The following RNF130 variants were observed in gnomAD, a reference collection of about 807,000 sequenced individuals.
RNF130 encodes the protein E3 ubiquitin-protein ligase RNF130.
RNF130 carries 21 observed loss-of-function variants against 44.6 expected under a neutral mutation model. The observed-to-expected ratio is 0.47, with a 90% CI of 0.33 to 0.68. The LOEUF is 0.68. Among genes scored for constraint, RNF130 ranks in the 30% least tolerant of loss-of-function variants. The pLI, the probability that RNF130 is intolerant of heterozygous loss-of-function variation, is 0.02. For synonymous variants in RNF130, 214 were observed against 210.4 expected (o/e 1.02, Z -0.15); for missense variants, 479 against 560.6 (o/e 0.85, Z 1.47).
intron 3 of RNF130, among the ~76,000 whole-genome samples, chr5:180,003,723 A>G (rs1763399279): frequency 6.6e-6 from 1 of 152,182 alleles, no homozygotes; most frequent in Non-Finnish European, 1.5e-5. Flanking sequence ...GTCTATTTGC[A>G]TCCGGCTAAC....
At chr5:180,013,023 G>C (rs1763627593) in intron 3 of RNF130, 38 bp downstream of exon 3, 1 of 1,581,650 alleles carries the variant, frequency 6.3e-7, no homozygotes, top group Non-Finnish European at 8.6e-7. Flanking sequence ...GTGAACTCTG[G>C]CTGTTACGAA....
rs1763264943 is a variant in RNF130, at chr5:179,998,860, TA to T, written c.693+14200del. Among the ~76,000 whole-genome samples the T allele has an allele frequency of 2.4e-3, 155 of 63,738 alleles. 7 individuals carry two copies. Among genetic ancestry groups the T allele is most frequent in the African/African-American group, 7.9e-3 (125 of 15,790 alleles). 41.8% of individuals were successfully genotyped at this position (63,738 alleles called of 152,430 possible). A position where few individuals can be genotyped will look rare whatever the true frequency, so the allele number is the denominator to read the frequency against. On this transcript the variant is annotated intron_variant, in intron 3 of 8. Transcript: ENST00000521389. ...CTCTCTCTTTAGATCTAGTATTTTTTATATATATATATATATATATATATGT... is the reference window on the plus strand; with the variant it reads ...CTCTCTCTTTAGATCTAGTATTTTTTTATATATATATATATATATATATGT...
chr5:179,978,160 C>T (rs756619633), intron 5 of RNF130, 43 bp downstream of exon 5: 3 of 1,507,828 alleles, frequency 2.0e-6, no homozygotes, highest in Non-Finnish European at 2.8e-6. Flanking sequence ...GCATACAAAG[C>T]ACATTAATAT....
exon 8 of RNF130, chr5:179,912,420 G>A (rs1024205366): frequency 2.6e-5 from 4 of 152,236 alleles, no homozygotes; most frequent in African/African-American, 7.2e-5. Context: ...TTTAGACAGA[G>A]TTATTGCCTC....
rs775854570 is a variant in RNF130, at chr5:180,071,672, G to C, written c.31C>G (p.Arg11Gly). The change falls in exon 1 of 9, where the codon CGG (arginine) becomes GGG (glycine). Residue 11 changes from arginine (R) to glycine (G), a missense_variant. Arg to Gly is a moderately radical substitution (Grantham distance 125). Around this residue, in one of 3 missense-constraint regions of RNF130, gnomAD observed 138 missense variants for 126.9 expected, o/e 1.09. Transcript: ENST00000521389. Reference sequence around the variant, plus strand: ...GTCAGCAGGGCGAGCGCGGCGAGCCGGGCAGGGCCCGCCCGCCCCGCGCAG... The same window carrying C: ...GTCAGCAGGGCGAGCGCGGCGAGCCCGGCAGGGCCCGCCCGCCCCGCGCAG... MSCAGRAGPA[R>G]LAALALLTCS... is the part of the protein sequence containing the mutation. 38 of 1,420,206 alleles carry C rather than the reference G, an allele frequency of 2.7e-5. 1 individual carries two copies. In the South Asian group the frequency reaches 5.1e-4, roughly 19 times the overall value. 88.0% of individuals were successfully genotyped at this position (1,420,206 alleles called of 1,614,324 possible).
In RNF130 at chr5:179,962,119, C is replaced by T. The variant is rs182230249; in HGVS notation, c.1244+1352G>A. Among the ~76,000 whole-genome samples the T allele has an allele frequency of 9.8e-5, 15 of 152,308 alleles. No homozygotes were observed. In the East Asian group the frequency reaches 2.1e-3, roughly 22 times the overall value. ...GACCTAGAGTCTAAGGAATTAGGTGCGCCATGCTGAAGGAAAACTGCCTGG... is the reference window on the plus strand; with the variant it reads ...GACCTAGAGTCTAAGGAATTAGGTGTGCCATGCTGAAGGAAAACTGCCTGG... On this transcript the variant is annotated intron_variant, in intron 8 of 8. Transcript: ENST00000521389.
chr5:179,930,508 C>T (rs1001312039), intron 7 of RNF130, among the ~76,000 whole-genome samples: 1 of 152,150 alleles, frequency 6.6e-6, no homozygotes, highest in Admixed American at 6.5e-5. Flanking sequence ...TTTCATTCTT[C>T]CTTTCTAATC....
intron 3 of RNF130, among the ~76,000 whole-genome samples, chr5:179,990,269 C>T (rs1341895064): frequency 6.6e-6 from 1 of 152,218 alleles, no homozygotes; most frequent in East Asian, 1.9e-4. Context: ...ACGTGAGTCA[C>T]ATGTCCACTG....
chr5:179,975,633 G>T (rs986396289), intron 5 of RNF130, among the ~76,000 whole-genome samples: 1 of 152,138 alleles, frequency 6.6e-6, no homozygotes, highest in Admixed American at 6.5e-5. Flanking sequence ...TGCGTGGAGT[G>T]TAAGAGGAAC....
At chr5:180,060,483 G>C (rs939721140) in intron 1 of RNF130, among the ~76,000 whole-genome samples, 1 of 152,178 alleles carries the variant, frequency 6.6e-6, no homozygotes, top group African/African-American at 2.4e-5. Context: ...AAGTGAGTTA[G>C]AACTCTGTGA....
intron 1 of RNF130, among the ~76,000 whole-genome samples, chr5:180,045,573 C>T (rs1345589196): frequency 6.6e-6 from 1 of 152,210 alleles, no homozygotes; most frequent in Non-Finnish European, 1.5e-5. Flanking sequence ...CTTTTATTCC[C>T]TTATCTGACC....
At chr5:180,010,459 A>G (rs946488757) in intron 3 of RNF130, among the ~76,000 whole-genome samples, 1 of 151,940 alleles carries the variant, frequency 6.6e-6, no homozygotes, top group African/African-American at 2.4e-5. Flanking sequence ...TCCCAAGTTC[A>G]AGCAATTCTC....
intron 7 of RNF130, among the ~76,000 whole-genome samples, chr5:179,934,974 C>T (rs530309003): frequency 2.6e-5 from 4 of 152,088 alleles, no homozygotes; most frequent in East Asian, 1.9e-4. Flanking sequence ...GCTAGGCTTT[C>T]GAGATTTAAG....
intron 1 of RNF130, among the ~76,000 whole-genome samples, chr5:180,054,805 C>T (rs925619739): frequency 1.4e-4 from 22 of 152,296 alleles, no homozygotes; most frequent in African/African-American, 5.3e-4. Context: ...CAAAACAAGT[C>T]TTTGGACCTA....
At chr5:180,060,394 T>C (rs1202597792) in intron 1 of RNF130, among the ~76,000 whole-genome samples, 5 of 152,184 alleles carry the variant, frequency 3.3e-5, no homozygotes, top group South Asian at 2.1e-4. Flanking sequence ...AGTATCCTTG[T>C]TTTTTCCAGC....
At chr5:179,922,607 C>T (rs1761651161) in intron 7 of RNF130, among the ~76,000 whole-genome samples, 1 of 151,822 alleles carries the variant, frequency 6.6e-6, no homozygotes, top group Non-Finnish European at 1.5e-5. Context: ...CCACGCCCGG[C>T]TTGGGCTGTC....
Position 179,980,210 on chromosome 5 carries a change from T to C in RNF130, c.694-10A>G. 1.2e-6 allele frequency: 2 copies of C among 1,613,754 alleles called. No individual in the cohort carries two copies. The highest frequency in any genetic ancestry group is 8.5e-7 in the Non-Finnish European group (1 of 1,179,750). ...CATCTCCGAGACGACGCTATGAAAA[T>C]TGCAAATAAAAACAGATACTAAGTG... On this transcript the variant is annotated splice_polypyrimidine_tract_variant and intron_variant, in intron 3 of 8. Transcript: ENST00000521389.
At chr5:179,978,075 A>T (rs1762756734) in intron 5 of RNF130, 128 bp downstream of exon 5, 2 of 739,246 alleles carry the variant, frequency 2.7e-6, no homozygotes, top group Non-Finnish European at 4.7e-6. Context: ...AGCAATGCAC[A>T]GCGGACTTGG....
chr5:179,960,267 T>C (rs1297209099), intron 8 of RNF130, among the ~76,000 whole-genome samples: 2 of 152,238 alleles, frequency 1.3e-5, no homozygotes, highest in East Asian at 3.8e-4. Flanking sequence ...CTTGCATTTA[T>C]TCACTTCTTT....
Sources: allele counts gnomAD v4.1 joint callset (sites outside exome capture counted in the v4.1 genomes callset), GRCh38; gene constraint gnomAD v4.1.1; regional missense constraint gnomAD v4.1.1; transcripts MANE v1.5; gene names NCBI Gene and HGNC (gene_info 2026-07-23, HGNC 2026-07-21).